TGS1: variants seen among roughly 807,000 people sequenced by gnomAD.
The protein encoded by TGS1 is trimethylguanosine synthase 1, also known as trimethylguanosine synthase.
Under a neutral mutation model 92.2 loss-of-function variants are expected in TGS1, and 69 were observed. The observed-to-expected ratio is 0.75, with a 90% CI of 0.62 to 0.91. The LOEUF (loss-of-function observed/expected upper bound fraction) is 0.91. TGS1 is among the 40% of genes least tolerant of loss of function. TGS1 has a pLI of 0.00. For synonymous variants in TGS1, 345 were observed against 338.1 expected, an observed-to-expected ratio of 1.02 and a Z score of -0.22; for missense variants, 1,062 against 1,001.2, an observed-to-expected ratio of 1.06 and a Z score of -0.82.
chr8:55,788,534 C>G (rs1585763546), intron 4 of TGS1, among the ~76,000 whole-genome samples: 1 of 149,020 alleles, frequency 6.7e-6, no homozygotes, highest in Non-Finnish European at 1.5e-5. Context: ...CAGCTCACTG[C>G]AAGGTCCGCC....
intron 12 of TGS1, among the ~76,000 whole-genome samples, chr8:55,819,906 C>T (rs1292078679): frequency 1.3e-5 from 2 of 152,176 alleles, no homozygotes; most frequent in Non-Finnish European, 2.9e-5. Flanking sequence ...TGGCAAAGCA[C>T]TTTCTTGGCC....
intron 11 of TGS1, among the ~76,000 whole-genome samples, chr8:55,812,648 C>T (rs1017917715): frequency 6.6e-6 from 1 of 152,072 alleles, no homozygotes; most frequent in Non-Finnish European, 1.5e-5. Flanking sequence ...TACGCTACTG[C>T]ACTCCAGCCT....
intron 1 of TGS1, among the ~76,000 whole-genome samples, chr8:55,780,328 C>T (rs1203831279): frequency 6.6e-6 from 1 of 152,014 alleles, no homozygotes; most frequent in Non-Finnish European, 1.5e-5. Flanking sequence ...CACTACTACA[C>T]CTGACTAATT....
At chr8:55,782,296 C>T (rs1811588689) in intron 1 of TGS1, among the ~76,000 whole-genome samples, 1 of 152,022 alleles carries the variant, frequency 6.6e-6, no homozygotes, top group African/African-American at 2.4e-5. Flanking sequence ...ATTCTCCTGC[C>T]TCAGCCTCCC....
chr8:55,785,543 A>G (rs1283527504), intron 2 of TGS1, among the ~76,000 whole-genome samples, 176 bp from the exon 3 acceptor site: 1 of 151,912 alleles, frequency 6.6e-6, no homozygotes, highest in Non-Finnish European at 1.5e-5. Flanking sequence ...TAGCCCTTAT[A>G]CTCCAACCTG....
At chr8:55,779,216 T>C (rs1440897453) in intron 1 of TGS1, among the ~76,000 whole-genome samples, 1 of 152,208 alleles carries the variant, frequency 6.6e-6, no homozygotes, top group East Asian at 1.9e-4. Flanking sequence ...ATTCTTCAAA[T>C]GCCAGGCATT....
intron 4 of TGS1, among the ~76,000 whole-genome samples, chr8:55,788,273 T>A (rs1227361652): frequency 6.8e-6 from 1 of 146,778 alleles, no homozygotes; most frequent in East Asian, 1.9e-4. Context: ...TTTTGACCTT[T>A]TACTTAACAA....
chr8:55,824,706 A>C lies in TGS1; in HGVS notation c.*3A>C, dbSNP rs377019437. 6.2e-6 allele frequency: 10 copies of C among 1,614,050 alleles called. No homozygotes were observed. The highest frequency in any genetic ancestry group is 6.8e-6 in the Non-Finnish European group (8 of 1,180,006). ...GAAGACCAGCCTCTGAAACCTAACT[A>C]TGCAGCAGTGCGAGGACAAAAGATC... On this transcript the variant is annotated 3_prime_UTR_variant, in exon 13 of 13. Transcript: ENST00000260129.
At chr8:55,782,903 T>G in intron 2 of TGS1, 91 bp downstream of exon 2, 1 of 802,142 alleles carries the variant, frequency 1.2e-6, no homozygotes, top group Non-Finnish European at 2.0e-6. Flanking sequence ...ATTGTATTGA[T>G]TTGTTAGCAT....
Position 55,798,981 on chromosome 8 carries a change from A to G in TGS1, c.1610A>G (p.His537Arg), listed in dbSNP as rs767501918. The G allele has an allele frequency of 2.4e-5, 38 of 1,614,004 alleles. No homozygotes were observed. The highest frequency in any genetic ancestry group is 3.2e-5 in the Non-Finnish European group (38 of 1,180,014). ...DEEASQESSS[H>R]DNVHDASTSS... The stretch of plus-strand genomic sequence containing the variant: ...GAAGCATCACAGGAATCATCTTCTC[A>G]TGACAATGTGCACGACGCTTCCACA... Residue 537 changes from histidine to arginine, a missense_variant, in exon 8 of 13, where the codon CAT (histidine) becomes CGT (arginine). Coordinates refer to ENST00000260129, the MANE Select transcript of TGS1 (RefSeq NM_024831.8).
At chr8:55,778,968 C>T (rs770443055) in intron 1 of TGS1, among the ~76,000 whole-genome samples, 2 of 152,146 alleles carry the variant, frequency 1.3e-5, no homozygotes, top group African/African-American at 4.8e-5. Flanking sequence ...GCTTAGGGCT[C>T]TAAGGAGAGC....
In TGS1 at chr8:55,814,819, CAG is replaced by C. The variant is rs113219791; in HGVS notation, c.2439+1704_2439+1705del. Among the ~76,000 whole-genome samples the C allele has an allele frequency of 6.1e-5, 9 of 147,574 alleles. 2 individuals are homozygous for C. The highest frequency in any genetic ancestry group is 2.3e-4 in the African/African-American group (9 of 39,838). On this transcript the variant is annotated intron_variant, in intron 12 of 12. Transcript: ENST00000260129. Reference sequence around the variant, plus strand: ...CGCCACTGCACTCCAGCCTGGGTGACAGAGTGAGACTGTCTAAAAAAAAAAAG... The same window carrying C: ...CGCCACTGCACTCCAGCCTGGGTGACAGTGAGACTGTCTAAAAAAAAAAAG...
chr8:55,775,952 G>A (rs1314430930), intron 1 of TGS1, among the ~76,000 whole-genome samples: 4 of 152,138 alleles, frequency 2.6e-5, no homozygotes, highest in African/African-American at 9.7e-5. Flanking sequence ...AAAATATCAA[G>A]CAAAATGAGG....
intron 11 of TGS1, 102 bp from the exon 12 acceptor site, chr8:55,812,938 G>T: frequency 1.1e-6 from 1 of 911,666 alleles, no homozygotes; most frequent in Admixed American, 2.4e-5. Context: ...TTGCCTTTTA[G>T]TTACATTTTG....
intron 4 of TGS1, among the ~76,000 whole-genome samples, chr8:55,787,681 A>G (rs1811757819): frequency 6.6e-6 from 1 of 152,250 alleles, no homozygotes; most frequent in Admixed American, 6.5e-5. Context: ...TAATCTGAGT[A>G]CGGTGCGATG....
intron 11 of TGS1, among the ~76,000 whole-genome samples, chr8:55,811,763 A>G (rs1803347106): frequency 6.6e-6 from 1 of 152,164 alleles, no homozygotes; most frequent in South Asian, 2.1e-4. Flanking sequence ...TCCATTTCAA[A>G]AAATAGGGAG....
At position 55,796,265 on chromosome 8, in the gene TGS1, A is replaced by G. The variant is rs577913611; in HGVS notation, c.1542+113A>G. 5 of 834,030 alleles carry G rather than the reference A, an allele frequency of 6.0e-6. No homozygotes were observed. The East Asian group carries it at 1.1e-4, about 18-fold the overall frequency. The allele number at this position is 834,030 out of a possible 1,614,324, so 51.7% of individuals were successfully genotyped here. A position where few individuals can be genotyped will look rare whatever the true frequency, so the allele number is the denominator to read the frequency against. ...TTGTTTCTACCAGGTATCAAGGTACATAATTTTTTTTTTTTTTACTTGCTT... is the reference window on the plus strand; with the variant it reads ...TTGTTTCTACCAGGTATCAAGGTACGTAATTTTTTTTTTTTTTACTTGCTT... On this transcript the variant is annotated intron_variant, in intron 7 of 12. Coordinates refer to ENST00000260129, the MANE Select transcript of TGS1 (RefSeq NM_024831.8).
At chr8:55,814,786 C>T (rs1803432279) in intron 12 of TGS1, among the ~76,000 whole-genome samples, 1 of 148,556 alleles carries the variant, frequency 6.7e-6, no homozygotes, top group Non-Finnish European at 1.5e-5. Context: ...TGCAGTGAGC[C>T]GAGATTGCGC....
intron 2 of TGS1, among the ~76,000 whole-genome samples, chr8:55,784,537 G>T (rs1811655389): frequency 1.3e-5 from 2 of 152,070 alleles, no homozygotes; most frequent in Admixed American, 1.3e-4. Context: ...TGTTGCTCGG[G>T]CTTATCTCAA....
Sources: gnomAD v4.1 joint callset for allele counts (sites outside exome capture counted in the v4.1 genomes callset) on GRCh38, gnomAD v4.1.1 for gene constraint, MANE v1.5 for transcripts, NCBI Gene and HGNC (gene_info 2026-07-23, HGNC 2026-07-21) for gene names.